Variants in NELL1 observed in about 807,000 individuals in gnomAD.
The protein encoded by NELL1 is neural EGFL like 1.
NELL1 carries 76 observed loss-of-function variants against 107.4 expected under a neutral mutation model. That is an observed-to-expected ratio of 0.71 (90% CI 0.59 to 0.86). The LOEUF (loss-of-function observed/expected upper bound fraction) is 0.86, where lower values mean the gene tolerates loss of function less well. Ranked by LOEUF, NELL1 falls within the 40% of genes least tolerant of loss-of-function variation. NELL1 has a pLI of 0.00. For synonymous variants in NELL1, 353 were observed against 341.2 expected (o/e 1.03, Z -0.38); for missense variants, 1,024 against 1,005.5 (o/e 1.02, Z -0.25).
At chr11:21,496,226 G>T (rs901608403) in intron 15 of NELL1, among the ~76,000 whole-genome samples, 1 of 151,860 alleles carries the variant, frequency 6.6e-6, no homozygotes, top group African/African-American at 2.4e-5. Flanking sequence ...TTAGAAGCCA[G>T]TTACCACATA....
At chr11:21,008,917 G>A (rs1360763932) in intron 12 of NELL1, among the ~76,000 whole-genome samples, 3 of 152,098 alleles carry the variant, frequency 2.0e-5, no homozygotes, top group Admixed American at 6.6e-5. Context: ...TGTTGGTTTC[G>A]AGGTTCCATC....
At chr11:21,059,456 A>G (rs1417742530) in intron 12 of NELL1, among the ~76,000 whole-genome samples, 1 of 152,082 alleles carries the variant, frequency 6.6e-6, no homozygotes, top group Non-Finnish European at 1.5e-5. Context: ...CCCCAAGAAG[A>G]ATCTTTGCTC....
chr11:21,069,766 G>A (rs111242423), intron 12 of NELL1, among the ~76,000 whole-genome samples: 1,619 of 152,220 alleles, frequency 0.011, 29 homozygotes, highest in African/African-American at 0.037. Context: ...ATTAAGGGCC[G>A]GTGGTGTAGA....
At chr11:20,876,326 T>C (rs1590371134) in intron 4 of NELL1, among the ~76,000 whole-genome samples, 2 of 152,250 alleles carry the variant, frequency 1.3e-5, no homozygotes, top group East Asian at 3.8e-4. Context: ...GAGTGTCATC[T>C]GGATTTGTTA....
At chr11:20,755,531 TG>T (rs1564894844) in intron 2 of NELL1, among the ~76,000 whole-genome samples, 185 of 102,634 alleles carry the variant, frequency 1.8e-3, no homozygotes, top group African/African-American at 5.4e-3. Context: ...AAGACCTGTG[TG>T]GGTTTTTGTT....
At chr11:21,353,062 GA>G (rs1396489745) in intron 14 of NELL1, among the ~76,000 whole-genome samples, 4 of 152,138 alleles carry the variant, frequency 2.6e-5, no homozygotes, top group African/African-American at 9.7e-5. Context: ...TCTGAGTTGA[GA>G]ATAGCTCTCC....
intron 3 of NELL1, among the ~76,000 whole-genome samples, chr11:20,789,131 C>T (rs1857025554): frequency 6.6e-6 from 1 of 152,092 alleles, no homozygotes; most frequent in South Asian, 2.1e-4. Context: ...GCTGGTGGTG[C>T]CTTTGCCCGA....
At chr11:20,888,420 A>C (rs1398806790) in intron 5 of NELL1, among the ~76,000 whole-genome samples, 1 of 150,854 alleles carries the variant, frequency 6.6e-6, no homozygotes, top group Non-Finnish European at 1.5e-5. Flanking sequence ...CTTCTTAGAT[A>C]TGTATATTAT....
intron 4 of NELL1, among the ~76,000 whole-genome samples, chr11:20,863,835 CG>C (rs1269869193): frequency 2.0e-5 from 3 of 152,210 alleles, no homozygotes; most frequent in Admixed American, 2.0e-4. Context: ...ACTGAGTGAA[CG>C]AGACTCCGTC....
At chr11:20,676,421 T>G (rs534087132) in intron 1 of NELL1, among the ~76,000 whole-genome samples, 1 of 152,184 alleles carries the variant, frequency 6.6e-6, no homozygotes, top group Admixed American at 6.5e-5. Flanking sequence ...TAATACCTGT[T>G]GAAAAAATTA....
intron 2 of NELL1, among the ~76,000 whole-genome samples, chr11:20,781,425 A>C (rs567613444): frequency 3.9e-5 from 6 of 152,244 alleles, no homozygotes; most frequent in Non-Finnish European, 8.8e-5. Context: ...GCAGATATAA[A>C]GTTGGAGGCC....
intron 13 of NELL1, among the ~76,000 whole-genome samples, chr11:21,126,034 T>A (rs1855479232): frequency 6.6e-6 from 1 of 152,140 alleles, no homozygotes; most frequent in Non-Finnish European, 1.5e-5. Context: ...CAATAACTGT[T>A]AGCAATTACT....
intron 16 of NELL1, among the ~76,000 whole-genome samples, chr11:21,551,025 G>T (rs1050510946): frequency 2.1e-4 from 31 of 150,818 alleles, no homozygotes; most frequent in Non-Finnish European, 4.3e-4. Context: ...ATGGAGCAGT[G>T]GTTTGTAGTT....
chr11:20,798,621 G>A (rs1214124002), intron 3 of NELL1, among the ~76,000 whole-genome samples: 1 of 152,186 alleles, frequency 6.6e-6, no homozygotes, highest in Non-Finnish European at 1.5e-5. Context: ...GAATGTTGTT[G>A]CTGATGAAAG....
intron 12 of NELL1, among the ~76,000 whole-genome samples, chr11:21,087,826 C>T (rs1380587213): frequency 6.6e-6 from 1 of 152,062 alleles, no homozygotes; most frequent in Non-Finnish European, 1.5e-5. Flanking sequence ...GGAACATAGC[C>T]ACACTTACTT....
intron 18 of NELL1, among the ~76,000 whole-genome samples, chr11:21,571,593 C>T (rs569305864): frequency 6.6e-6 from 1 of 151,654 alleles, no homozygotes; most frequent in South Asian, 2.1e-4. Flanking sequence ...TACTTCCTAC[C>T]TTGAAAAATC....
At chr11:21,110,091 C>T (rs1014929643) in intron 12 of NELL1, among the ~76,000 whole-genome samples, 1 of 152,122 alleles carries the variant, frequency 6.6e-6, no homozygotes, top group African/African-American at 2.4e-5. Context: ...CACAAGATAG[C>T]TTTTATATCT....
At chr11:20,930,538 A>T (rs1008967998) in intron 9 of NELL1, among the ~76,000 whole-genome samples, 7 of 152,118 alleles carry the variant, frequency 4.6e-5, no homozygotes, top group African/African-American at 1.7e-4. Context: ...CTTAAATAAC[A>T]TGTTTTGTAT....
At chr11:21,419,616 T>C (rs1359988667) in intron 15 of NELL1, among the ~76,000 whole-genome samples, 1 of 152,054 alleles carries the variant, frequency 6.6e-6, no homozygotes, top group African/African-American at 2.4e-5. Flanking sequence ...AGAAACAGTT[T>C]CCACTGTAGC....
Sources: allele counts gnomAD v4.1 joint callset (sites outside exome capture counted in the v4.1 genomes callset), GRCh38; gene constraint gnomAD v4.1.1; transcripts MANE v1.5; gene names NCBI Gene and HGNC (gene_info 2026-07-23, HGNC 2026-07-21).